The following ANXA13 variants were observed in gnomAD, a reference collection of about 807,000 sequenced individuals.
The protein encoded by ANXA13 is annexin A13.
ANXA13 carries 36 observed loss-of-function variants against 46.6 expected under a neutral mutation model. The observed-to-expected ratio is 0.77, with a 90% CI of 0.59 to 1.02. The LOEUF is 1.02. Ranked by LOEUF, ANXA13 falls within the 50% of genes least tolerant of loss-of-function variation. The pLI is 0.00. For missense variants in ANXA13, 417 were observed against 396.5 expected, an observed-to-expected ratio of 1.05 and a Z score of -0.44; for synonymous variants, 163 against 152.9, an observed-to-expected ratio of 1.07 and a Z score of -0.49.
intron 4 of ANXA13, among the ~76,000 whole-genome samples, chr8:123,696,606 T>A (rs541315752): frequency 1.3e-5 from 2 of 152,020 alleles, no homozygotes; most frequent in Non-Finnish European, 1.5e-5. Context: ...TAGGTGGTGA[T>A]TGGGAGAAGG....
At chr8:123,686,286 A>G (rs925888003) in intron 9 of ANXA13, among the ~76,000 whole-genome samples, 1 of 152,100 alleles carries the variant, frequency 6.6e-6, no homozygotes, top group Non-Finnish European at 1.5e-5. Context: ...CAGCCTGGCC[A>G]ACATGGTGAA....
chr8:123,736,373 A>G (rs1430594029), intron 1 of ANXA13, among the ~76,000 whole-genome samples: 1 of 150,980 alleles, frequency 6.6e-6, no homozygotes, highest in Non-Finnish European at 1.5e-5. Context: ...AAAATATTCA[A>G]GATTCAACTC....
intron 1 of ANXA13, among the ~76,000 whole-genome samples, chr8:123,737,016 CTT>C (rs35962046): frequency 0.044 from 6,447 of 145,312 alleles, 163 homozygotes; most frequent in African/African-American, 0.062. Context: ...ACCTAGCTAA[CTT>C]TTTTTTTTTT....
chr8:123,682,520 C>T (rs572397101), intron 10 of ANXA13, among the ~76,000 whole-genome samples: 2 of 152,296 alleles, frequency 1.3e-5, no homozygotes, highest in South Asian at 4.2e-4. Flanking sequence ...TCTTCTCTTG[C>T]CCCAGTGAGA....
chr8:123,727,113 G>T (rs547669233), intron 1 of ANXA13, among the ~76,000 whole-genome samples: 2 of 152,126 alleles, frequency 1.3e-5, no homozygotes, highest in African/African-American at 2.4e-5. Flanking sequence ...TATACTGCTC[G>T]GGTGATGGGT....
intron 1 of ANXA13, among the ~76,000 whole-genome samples, chr8:123,726,508 G>A (rs887778571): frequency 6.6e-6 from 1 of 152,154 alleles, no homozygotes; most frequent in Non-Finnish European, 1.5e-5. Context: ...AGCCCTTTTG[G>A]GGGCTACACC....
chr8:123,730,064 A>G (rs1367887105), intron 1 of ANXA13, among the ~76,000 whole-genome samples: 2 of 152,136 alleles, frequency 1.3e-5, no homozygotes, highest in Admixed American at 6.5e-5. Context: ...TTTGACTCAG[A>G]TCTACCTTCT....
chr8:123,731,042 G>A (rs979142871), intron 1 of ANXA13, among the ~76,000 whole-genome samples: 10 of 152,194 alleles, frequency 6.6e-5, no homozygotes, highest in African/African-American at 2.4e-4. Context: ...GCATGGGAAA[G>A]GCTTATGCTT....
intron 7 of ANXA13, 25 bp downstream of exon 7, chr8:123,693,686 G>T: frequency 6.3e-7 from 1 of 1,579,006 alleles, no homozygotes. Context: ...AGAATTTGCA[G>T]AGACTGGCAT....
intron 10 of ANXA13, 68 bp from the exon 11 acceptor site, chr8:123,681,427 TCTACACA>T: frequency 1.3e-6 from 2 of 1,491,370 alleles, no homozygotes; most frequent in Non-Finnish European, 1.8e-6. Flanking sequence ...TGGGCACTGT[TCTACACA>T]TGTTATACTC....
At chr8:123,725,448 T>G (rs1237505434) in intron 1 of ANXA13, among the ~76,000 whole-genome samples, 1 of 152,244 alleles carries the variant, frequency 6.6e-6, no homozygotes, top group Non-Finnish European at 1.5e-5. Context: ...AACCGGTTAC[T>G]CATTTGCACT....
chr8:123,688,816 A>C, intron 9 of ANXA13, 55 bp downstream of exon 9: 2 of 1,506,270 alleles, frequency 1.3e-6, no homozygotes, highest in East Asian at 4.5e-5. Context: ...CCTCTGTCTG[A>C]GTCTGGTTCC....
At chr8:123,694,654 C>T (rs143324565) in intron 6 of ANXA13, among the ~76,000 whole-genome samples, 2 of 152,272 alleles carry the variant, frequency 1.3e-5, no homozygotes, top group African/African-American at 4.8e-5. Flanking sequence ...AGATGGCAGC[C>T]CTGGCCGACA....
chr8:123,719,122 A>G (rs1813812682), intron 1 of ANXA13, among the ~76,000 whole-genome samples: 1 of 152,230 alleles, frequency 6.6e-6, no homozygotes, highest in African/African-American at 2.4e-5. Context: ...TTATATAGTA[A>G]CCAGCATCTT....
chr8:123,708,214 A>C (rs1355698466), intron 2 of ANXA13, among the ~76,000 whole-genome samples: 1 of 152,252 alleles, frequency 6.6e-6, no homozygotes, highest in East Asian at 1.9e-4. Flanking sequence ...AAGGAGCCAC[A>C]CACTGGACAC....
chr8:123,726,218 T>G (rs1813989647), intron 1 of ANXA13, among the ~76,000 whole-genome samples: 1 of 152,230 alleles, frequency 6.6e-6, no homozygotes, highest in African/African-American at 2.4e-5. Flanking sequence ...TTTCAGCACC[T>G]TTTAATGAAG....
At chr8:123,734,044 C>T (rs1814193221) in intron 1 of ANXA13, among the ~76,000 whole-genome samples, 1 of 152,222 alleles carries the variant, frequency 6.6e-6, no homozygotes, top group Admixed American at 6.5e-5. Flanking sequence ...GATGCTGCTA[C>T]AAATCCAGGG....
chr8:123,733,020 G>A lies in ANXA13; in HGVS notation c.15+4300C>T, dbSNP rs1045347648. On this transcript the variant is annotated intron_variant, in intron 1 of 10. Coordinates refer to ENST00000419625, the MANE Select transcript of ANXA13 (RefSeq NM_004306.4). ...TGACCCGTCTTTAAAAAAATTAGCT[G>A]GGCATGATGGCACATGCCTGTAGTC... Among the ~76,000 whole-genome samples, 10 of 151,946 alleles carry A rather than the reference G, an allele frequency of 6.6e-5. 1 individual carries two copies. Among genetic ancestry groups the A allele is most frequent in the Admixed American group, 2.0e-4 (3 of 15,244 alleles).
chr8:123,729,339 C>T lies in ANXA13; in HGVS notation c.15+7981G>A, dbSNP rs1176628856. The T allele has an allele frequency of 2.0e-5, 3 of 152,194 alleles. No individual in the cohort carries two copies. The East Asian group carries it at 5.8e-4, about 29-fold the overall frequency. The allele number at this position is 152,194 out of a possible 1,614,324, so 9.4% of individuals were successfully genotyped here. On this transcript the variant is annotated intron_variant, in intron 1 of 10. Coordinates refer to ENST00000419625, the MANE Select transcript of ANXA13 (RefSeq NM_004306.4). ...TCAGTAGGAGAGAAAGAGGCCAACACATAGAAAGAAGAGAGAGAGAACTGA... is the reference window on the plus strand; with the variant it reads ...TCAGTAGGAGAGAAAGAGGCCAACATATAGAAAGAAGAGAGAGAGAACTGA...
Sources: gnomAD v4.1 joint callset for allele counts (sites outside exome capture counted in the v4.1 genomes callset) on GRCh38, gnomAD v4.1.1 for gene constraint, MANE v1.5 for transcripts, NCBI Gene and HGNC (gene_info 2026-07-23, HGNC 2026-07-21) for gene names.